Variants in GRK6 observed in about 807,000 individuals in gnomAD.
GRK6 encodes the protein G protein-coupled receptor kinase 6.
Under a neutral mutation model 80.8 loss-of-function variants are expected in GRK6, and 37 were observed. That is an observed-to-expected ratio of 0.46 (90% CI 0.35 to 0.60). GRK6 has a LOEUF of 0.60. GRK6 is among the 20% of genes least tolerant of loss of function. GRK6 has a pLI of 0.00. For synonymous variants in GRK6, 295 were observed against 320.9 expected (o/e 0.92, Z 0.86); for missense variants, 560 against 784.6 (o/e 0.71, Z 3.42).
At chr5:177,438,993 C>T (rs1252366994) in intron 13 of GRK6, 1 of 152,244 alleles carries the variant, frequency 6.6e-6, no homozygotes, top group African/African-American at 2.4e-5. Context: ...GAGAGCCTGA[C>T]TTTCATCAGC....
chr5:177,430,548 TC>T (rs1043160477), intron 1 of GRK6: 6 of 354,340 alleles, frequency 1.7e-5, no homozygotes, highest in African/African-American at 1.3e-4. Context: ...GACGTCCTTC[TC>T]CCCTTTCTTC....
At chr5:177,437,998 C>T (rs1304459445) in intron 13 of GRK6, among the ~76,000 whole-genome samples, 1 of 152,236 alleles carries the variant, frequency 6.6e-6, no homozygotes, top group Admixed American at 6.5e-5. Context: ...CCTGCCCTTA[C>T]ATTCTAGTGG....
At position 177,436,239 on chromosome 5, in the gene GRK6, T is replaced by C. The variant is rs766838213; in HGVS notation, c.1224T>C (p.Tyr408=). The part of the protein sequence containing the change: ...ERLVKEVPEE[Y]SERFSPQARS... ...TGGTGAAGGAGGTCCCCGAGGAGTA[T>C]TCCGAGCGCTTTTCCCCGCAGGCCC... is the stretch of plus-strand genomic sequence containing the variant. The change falls in exon 12 of 16, where the codon TAT becomes TAC. Residue 408 remains tyrosine, a synonymous_variant. Transcript: ENST00000355472. 5 of 1,614,040 alleles carry C rather than the reference T, an allele frequency of 3.1e-6. No homozygotes were observed. Among genetic ancestry groups the C allele is most frequent in the Non-Finnish European group, 3.4e-6 (4 of 1,179,990 alleles).
At chr5:177,426,354 C>T (rs530783008), upstream of GRK6, 25 of 152,390 alleles carry the variant, frequency 1.6e-4, no homozygotes, top group African/African-American at 5.8e-4. Flanking sequence ...ATTCGGCCTC[C>T]TGGGCGTGCC....
Position 177,436,248 on chromosome 5 carries a change from C to G in GRK6, c.1233C>G (p.Arg411=). ...AGGTCCCCGAGGAGTATTCCGAGCG[C>G]TTTTCCCCGCAGGCCCGCTCACTTT... ...VKEVPEEYSE[R]FSPQARSLCS... Residue 411 remains arginine (R), a synonymous_variant, in exon 12 of 16, where the codon CGC becomes CGG. Transcript: ENST00000355472. 6.2e-7 allele frequency: 1 copy of G among 1,614,154 alleles called. No individual in the cohort carries two copies. The highest frequency in any genetic ancestry group is 8.5e-7 in the Non-Finnish European group (1 of 1,180,018).
In GRK6 at chr5:177,426,826, G is replaced by GCCAGGCGGCGCCACAGC; in HGVS notation, c.-16_1dup. 8.2e-7 allele frequency: 1 copy of GCCAGGCGGCGCCACAGC among 1,220,382 alleles called. No homozygotes were observed. The highest frequency in any genetic ancestry group is 3.4e-5 in the South Asian group (1 of 29,354). The allele number at this position is 1,220,382 out of a possible 1,614,324, so 75.6% of individuals were successfully genotyped here. ...CCCGGCCGGCGGCGCGGCCCGGCGG[G>GCCAGGCGGCGCCACAGC]CCAGGCGGCGCCACAGCCCATGGAG... On this transcript the variant is annotated 5_prime_UTR_variant, in exon 1 of 16. Coordinates refer to ENST00000355472, the MANE Select transcript of GRK6 (RefSeq NM_001004106.3).
rs1442195272 is a variant in GRK6, at chr5:177,435,975, TGA to T, written c.1058-96_1058-95del. The T allele has an allele frequency of 6.0e-6, 6 of 1,006,098 alleles. No homozygotes were observed. In the East Asian group the frequency reaches 1.5e-4, roughly 26 times the overall value. 62.3% of individuals were successfully genotyped at this position (1,006,098 alleles called of 1,614,324 possible). On this transcript the variant is annotated intron_variant, in intron 11 of 15. Transcript: ENST00000355472. Reference sequence around the variant, plus strand: ...CAAGGTCCCCCCTGGCCAGCGGGTGTGAGTGTATCCCAGACCTAACGTGCACT... The same window carrying T: ...CAAGGTCCCCCCTGGCCAGCGGGTGTGTGTATCCCAGACCTAACGTGCACT...
chr5:177,433,896 G>C lies in GRK6; in HGVS notation c.739-18G>C. ...CCCCGCAGCTCCTGCCTGAGGGCTC[G>C]GGTCCCCTCGGCCACAGGTGAGCTT... On this transcript the variant is annotated intron_variant, in intron 8 of 15. Transcript: ENST00000355472. The C allele has an allele frequency of 6.5e-7, 1 of 1,543,964 alleles. No homozygotes were observed. The highest frequency in any genetic ancestry group is 1.2e-5 in the South Asian group (1 of 80,964).
At chr5:177,434,832 G>T in intron 9 of GRK6, 70 bp from the exon 10 acceptor site, 2 of 1,560,380 alleles carry the variant, frequency 1.3e-6, no homozygotes, top group South Asian at 2.2e-5. Flanking sequence ...CGAGTGAGCT[G>T]GGGGGGCTGG....
rs201306981 is a variant in GRK6, at chr5:177,432,215, T to C, written c.262-18T>C. The C allele has an allele frequency of 1.9e-6, 3 of 1,613,858 alleles. No homozygotes were observed. The highest frequency in any genetic ancestry group is 1.7e-5 in the Admixed American group (1 of 60,034). On this transcript the variant is annotated intron_variant, in intron 3 of 15. Coordinates refer to ENST00000355472, the MANE Select transcript of GRK6 (RefSeq NM_001004106.3). ...TGCCCTGCCCAGACCTCCAGCTTCT[T>C]TGCTTTCCACCCTGCAGGCCGAGTA...
chr5:177,436,879 CTCTTT>C (rs978896879), intron 13 of GRK6, among the ~76,000 whole-genome samples: 2 of 152,146 alleles, frequency 1.3e-5, no homozygotes, highest in African/African-American at 4.8e-5. Flanking sequence ...AGCTTCTCTT[CTCTTT>C]TCTCTTCTCC....
At chr5:177,439,400 CG>C (rs1054016149) in intron 13 of GRK6, among the ~76,000 whole-genome samples, 78 of 152,112 alleles carry the variant, frequency 5.1e-4, no homozygotes, top group African/African-American at 1.8e-3. Flanking sequence ...ATTAGCTGGA[CG>C]TGGTGGCGCA....
intron 13 of GRK6, among the ~76,000 whole-genome samples, chr5:177,439,179 A>AT (rs1374544524): frequency 6.6e-6 from 1 of 152,172 alleles, no homozygotes. Context: ...GCTTGATGAT[A>AT]TTTTTTTAAC....
In GRK6 at chr5:177,436,230, C is replaced by T. The variant is rs55993843; in HGVS notation, c.1215C>T (p.Pro405=). Residue 405 remains proline (P), a synonymous_variant, in exon 12 of 16, where the codon CCC becomes CCT. Transcript: ENST00000355472. ...EEVERLVKEV[P]EEYSERFSPQ... ...TGGAGCGGCTGGTGAAGGAGGTCCC[C>T]GAGGAGTATTCCGAGCGCTTTTCCC... 7.7e-5 allele frequency: 125 copies of T among 1,614,150 alleles called. No individual in the cohort carries two copies. Among genetic ancestry groups the T allele is most frequent in the Middle Eastern group, 3.3e-4 (2 of 6,058 alleles).
intron 5 of GRK6, 87 bp downstream of exon 5, chr5:177,432,893 C>A: frequency 9.0e-7 from 1 of 1,113,368 alleles, no homozygotes; most frequent in Non-Finnish European, 1.3e-6. Flanking sequence ...AGCTCGGTGG[C>A]TGGTGAGGGA....
chr5:177,433,436 G>C (rs1163985488), intron 7 of GRK6, 26 bp downstream of exon 7: 1 of 1,612,254 alleles, frequency 6.2e-7, no homozygotes, highest in Non-Finnish European at 8.5e-7. Context: ...AGAGCCCCTG[G>C]GAGAGTGAAT....
intron 5 of GRK6, 102 bp from the exon 6 acceptor site, chr5:177,433,045 C>A: frequency 9.5e-7 from 1 of 1,048,692 alleles, no homozygotes; most frequent in Non-Finnish European, 1.5e-6. Context: ...ACGACGATAC[C>A]TGTGGGCTAA....
intron 1 of GRK6, 22 bp from the exon 2 acceptor site, chr5:177,430,850 C>T: frequency 1.2e-6 from 2 of 1,609,868 alleles, no homozygotes; most frequent in South Asian, 1.1e-5. Context: ...ACTCGAGACC[C>T]AGTGTCCTAT....
Position 177,429,537 on chromosome 5 carries a change from G to A in GRK6, c.53-1335G>A, listed in dbSNP as rs1238168730. Among the ~76,000 whole-genome samples the A allele has an allele frequency of 6.6e-6, 1 of 152,158 alleles. No individual in the cohort carries two copies. The highest frequency in any genetic ancestry group is 2.4e-5 in the African/African-American group (1 of 41,422). On this transcript the variant is annotated intron_variant, in intron 1 of 15. Transcript: ENST00000355472. This position sits in a 1 kb window ranked among gnomAD's most constrained non-coding sequence, Gnocchi z 4.3. ...GCTCACTCACAGTGAAGCAATGACT[G>A]CAGGGCATGTTCGCAGGAGGCCTCT...
Sources: gnomAD v4.1 joint callset for allele counts (sites outside exome capture counted in the v4.1 genomes callset) on GRCh38, gnomAD v4.1.1 for gene constraint, Gnocchi (gnomAD v3.1) non-coding constraint, MANE v1.5 for transcripts, NCBI Gene and HGNC (gene_info 2026-07-23, HGNC 2026-07-21) for gene names.